Variants in PTPRD observed in about 807,000 individuals in gnomAD.
The protein encoded by PTPRD is protein tyrosine phosphatase receptor type D.
A neutral mutation model predicts 214.5 loss-of-function variants in PTPRD; 34 were observed. The observed-to-expected ratio is 0.16, with a 90% CI of 0.12 to 0.21. The LOEUF is 0.21. PTPRD is among the 10% of genes least tolerant of loss of function. The pLI, the probability that PTPRD is intolerant of heterozygous loss-of-function variation, is 1.00. For missense variants in PTPRD, 2,545 were observed against 2,398.7 expected (o/e 1.06, Z -1.27); for synonymous variants, 1,128 against 845.7 (o/e 1.33, Z -5.79).
At chr9:9,514,023 G>T (rs372047847) in intron 8 of PTPRD, among the ~76,000 whole-genome samples, 1 of 152,022 alleles carries the variant, frequency 6.6e-6, no homozygotes, top group Non-Finnish European at 1.5e-5. Flanking sequence ...TTCCTGGAGA[G>T]CCTTAATTCT....
chr9:10,471,384 G>T (rs1235050059), intron 2 of PTPRD, among the ~76,000 whole-genome samples: 4 of 152,016 alleles, frequency 2.6e-5, no homozygotes, highest in Non-Finnish European at 5.9e-5. Context: ...TTATTTCTTT[G>T]TACTTTTTAA....
intron 11 of PTPRD, among the ~76,000 whole-genome samples, chr9:8,769,583 C>T (rs530674122): frequency 2.6e-5 from 4 of 152,206 alleles, no homozygotes; most frequent in African/African-American, 9.6e-5. Flanking sequence ...AATGTGTCCC[C>T]CACCACTCAT....
chr9:9,569,534 T>C (rs1361591940), intron 8 of PTPRD, among the ~76,000 whole-genome samples: 1 of 151,638 alleles, frequency 6.6e-6, no homozygotes, highest in Non-Finnish European at 1.5e-5. Flanking sequence ...TTAGTAAGCT[T>C]AAATATGTTC....
At chr9:9,313,367 A>T (rs1960296128) in intron 9 of PTPRD, among the ~76,000 whole-genome samples, 1 of 152,172 alleles carries the variant, frequency 6.6e-6, no homozygotes, top group African/African-American at 2.4e-5. Context: ...TTGTGGTACA[A>T]TTGTACCTGA....
intron 11 of PTPRD, among the ~76,000 whole-genome samples, chr9:9,012,689 A>G (rs2099516635): frequency 6.6e-6 from 1 of 152,174 alleles, no homozygotes; most frequent in African/African-American, 2.4e-5. Flanking sequence ...TTTTTTATCA[A>G]GTTCTATCAA....
chr9:9,186,964 C>T (rs1484882361), intron 9 of PTPRD, among the ~76,000 whole-genome samples: 2 of 151,216 alleles, frequency 1.3e-5, no homozygotes, highest in Admixed American at 1.3e-4. Flanking sequence ...ACTGAAATTT[C>T]CAAATTTTAA....
intron 10 of PTPRD, among the ~76,000 whole-genome samples, chr9:9,178,219 A>G (rs2099926102): frequency 6.6e-6 from 1 of 151,994 alleles, no homozygotes. Context: ...TAGCCTACAA[A>G]GAGATTGAAC....
At chr9:9,853,005 T>C (rs1411836375) in intron 5 of PTPRD, among the ~76,000 whole-genome samples, 1 of 152,194 alleles carries the variant, frequency 6.6e-6, no homozygotes, top group Non-Finnish European at 1.5e-5. Flanking sequence ...ATCACCCTTA[T>C]AGCATCATGT....
Position 9,398,537 on chromosome 9 carries a change from T to G in PTPRD, c.-236-1055A>C, listed in dbSNP as rs1050651213. ...AAAGTGCAATTTCCATTGCAGTTTC[T>G]GGAATAAAACTTGACTGTTAAAGTC... On this transcript the variant is annotated intron_variant, in intron 8 of 45. Transcript: ENST00000381196. Among the ~76,000 whole-genome samples, 3 of 152,146 alleles carry G rather than the reference T, an allele frequency of 2.0e-5. No homozygotes were observed. In the South Asian group the frequency reaches 6.2e-4, roughly 32 times the overall value.
At chr9:9,836,038 G>A (rs928967481) in intron 5 of PTPRD, among the ~76,000 whole-genome samples, 5 of 152,126 alleles carry the variant, frequency 3.3e-5, no homozygotes, top group African/African-American at 1.2e-4. Context: ...ACTTTTAAAA[G>A]TGTATGTTAC....
intron 32 of PTPRD, among the ~76,000 whole-genome samples, chr9:8,462,137 T>A (rs1041666221): frequency 4.6e-5 from 7 of 152,036 alleles, no homozygotes; most frequent in African/African-American, 1.4e-4. Flanking sequence ...CCCCTACATA[T>A]ATGTTCAAAT....
intron 8 of PTPRD, among the ~76,000 whole-genome samples, chr9:9,475,056 T>G (rs939159535): frequency 2.0e-5 from 3 of 152,076 alleles, no homozygotes; most frequent in African/African-American, 7.2e-5. Flanking sequence ...GCTAGAAGAG[T>G]GCACGATCAC....
chr9:9,145,992 C>T (rs769671325), intron 10 of PTPRD, among the ~76,000 whole-genome samples: 2 of 152,174 alleles, frequency 1.3e-5, no homozygotes, highest in Non-Finnish European at 2.9e-5. Context: ...TGCCTGATGG[C>T]GCTTTGACCT....
chr9:9,578,646 A>G (rs2154309443), intron 7 of PTPRD, among the ~76,000 whole-genome samples: 1 of 152,262 alleles, frequency 6.6e-6, no homozygotes, highest in East Asian at 1.9e-4. Context: ...AGCAATAAAT[A>G]GTACTGTAAT....
At chr9:8,823,583 C>T (rs528792729) in intron 11 of PTPRD, among the ~76,000 whole-genome samples, 12 of 151,534 alleles carry the variant, frequency 7.9e-5, no homozygotes, top group African/African-American at 1.9e-4. Context: ...CCAGGGAGGT[C>T]GAGACTGCAG....
chr9:9,981,781 A>G (rs2095552154), intron 4 of PTPRD, among the ~76,000 whole-genome samples: 5 of 152,180 alleles, frequency 3.3e-5, no homozygotes, highest in Admixed American at 3.3e-4. Context: ...TTTGACTCGT[A>G]TCATACTCTA....
intron 8 of PTPRD, among the ~76,000 whole-genome samples, chr9:9,572,622 A>G (rs1486266246): frequency 6.8e-6 from 1 of 147,684 alleles, no homozygotes; most frequent in African/African-American, 2.5e-5. Context: ...TCATACATAT[A>G]TGTATATATA....
At chr9:9,765,312 G>A (rs1202877210) in intron 6 of PTPRD, among the ~76,000 whole-genome samples, 1 of 152,148 alleles carries the variant, frequency 6.6e-6, no homozygotes, top group Non-Finnish European at 1.5e-5. Flanking sequence ...AAAAATATGA[G>A]TATGTACATA....
At chr9:8,641,397 T>G (rs772753858) in intron 12 of PTPRD, among the ~76,000 whole-genome samples, 2 of 148,542 alleles carry the variant, frequency 1.3e-5, no homozygotes, top group Non-Finnish European at 2.9e-5. Flanking sequence ...CTTCCATTAC[T>G]GCTGTAGCTA....
Sources: allele counts gnomAD v4.1 joint callset (sites outside exome capture counted in the v4.1 genomes callset), GRCh38; gene constraint gnomAD v4.1.1; transcripts MANE v1.5; gene names NCBI Gene and HGNC (gene_info 2026-07-23, HGNC 2026-07-21).